Variants in KCND2 observed in about 807,000 individuals in gnomAD.
KCND2 encodes A-type voltage-gated potassium channel KCND2.
In KCND2, 16 loss-of-function variants were observed where a neutral mutation model predicts 54.4. The observed-to-expected ratio is 0.29, with a 90% CI of 0.20 to 0.45. The LOEUF is 0.45. Ranked by LOEUF, KCND2 falls within the 20% of genes least tolerant of loss-of-function variation. KCND2 has a pLI of 1.00. For synonymous variants in KCND2, 317 were observed against 310.7 expected, an observed-to-expected ratio of 1.02 and a Z score of -0.21; for missense variants, 486 against 824.2, an observed-to-expected ratio of 0.59 and a Z score of 5.02.
intron 1 of KCND2, among the ~76,000 whole-genome samples, chr7:120,391,123 T>G (rs1801070979): frequency 6.6e-6 from 1 of 152,110 alleles, no homozygotes; most frequent in African/African-American, 2.4e-5. Context: ...TGTGTACATG[T>G]GCTCTCATTG....
chr7:120,406,470 T>C (rs1043865223), intron 1 of KCND2, among the ~76,000 whole-genome samples: 6 of 152,082 alleles, frequency 3.9e-5, no homozygotes, highest in African/African-American at 1.4e-4. Context: ...TGGGTAGACA[T>C]GGGGAGAATT....
chr7:120,576,264 A>G (rs1181091731), intron 1 of KCND2, among the ~76,000 whole-genome samples: 1 of 152,250 alleles, frequency 6.6e-6, no homozygotes, highest in African/African-American at 2.4e-5. Flanking sequence ...TACAAATAGT[A>G]CTAACACCAG....
At chr7:120,709,442 A>G (rs1286759289) in intron 1 of KCND2, among the ~76,000 whole-genome samples, 2 of 152,124 alleles carry the variant, frequency 1.3e-5, no homozygotes, top group Non-Finnish European at 2.9e-5. Context: ...CATAGAACTA[A>G]CTCAATTGTT....
intron 1 of KCND2, among the ~76,000 whole-genome samples, chr7:120,656,437 C>T (rs575968973): frequency 2.0e-5 from 3 of 152,160 alleles, no homozygotes; most frequent in South Asian, 2.1e-4. Context: ...TTTTATAATT[C>T]GTCACTGTAA....
intron 1 of KCND2, among the ~76,000 whole-genome samples, chr7:120,356,860 TTC>T: frequency 6.6e-6 from 1 of 152,250 alleles, no homozygotes; most frequent in Non-Finnish European, 1.5e-5. Context: ...AATCCAGTCT[TTC>T]TCTCTCTTGT....
intron 1 of KCND2, among the ~76,000 whole-genome samples, chr7:120,341,933 A>G (rs532257168): frequency 3.3e-5 from 5 of 152,258 alleles, no homozygotes; most frequent in Admixed American, 6.5e-5. Context: ...GATGGGAGGA[A>G]AATCGTATAG....
intron 1 of KCND2, among the ~76,000 whole-genome samples, chr7:120,668,212 G>T (rs910055162): frequency 6.6e-6 from 1 of 151,896 alleles, no homozygotes; most frequent in Non-Finnish European, 1.5e-5. Context: ...AATTTCACAC[G>T]TCGATGGTAA....
rs1459716021 is a variant in KCND2 at position 120,274,549 on chromosome 7, C to T, written c.-84C>T. 10 of 1,507,284 alleles carry T rather than the reference C, an allele frequency of 6.6e-6. No homozygotes were observed. In the Admixed American group the frequency reaches 1.7e-4, roughly 25 times the overall value. 93.4% of individuals were successfully genotyped at this position (1,507,284 alleles called of 1,614,324 possible). ...CGTTTCTCACTAGTACTTTGCTTGACTGGAGGAAGTGGGTGACTTTTGGCT... is the reference window on the plus strand; with the variant it reads ...CGTTTCTCACTAGTACTTTGCTTGATTGGAGGAAGTGGGTGACTTTTGGCT... On this transcript the variant is annotated 5_prime_UTR_variant, in exon 1 of 6. Coordinates refer to ENST00000331113, the MANE Select transcript of KCND2 (RefSeq NM_012281.3).
intron 1 of KCND2, among the ~76,000 whole-genome samples, chr7:120,627,042 A>G (rs1793172656): frequency 6.6e-6 from 1 of 152,174 alleles, no homozygotes; most frequent in African/African-American, 2.4e-5. Context: ...TGTGCACAGT[A>G]TGGTGTCCAT....
chr7:120,535,236 C>T (rs1791891161), intron 1 of KCND2, among the ~76,000 whole-genome samples: 1 of 152,126 alleles, frequency 6.6e-6, no homozygotes, highest in African/African-American at 2.4e-5. Flanking sequence ...GCACTTTTCT[C>T]ATCTGACATA....
At chr7:120,607,935 T>C (rs1792902774) in intron 1 of KCND2, among the ~76,000 whole-genome samples, 1 of 151,854 alleles carries the variant, frequency 6.6e-6, no homozygotes, top group African/African-American at 2.4e-5. Flanking sequence ...GCTTAGGGTA[T>C]CTAAGAGATG....
chr7:120,274,783 C>T lies in KCND2; in HGVS notation c.151C>T (p.Arg51Cys), dbSNP rs751823176. The T allele has an allele frequency of 1.9e-6, 3 of 1,614,104 alleles. No individual in the cohort carries two copies. Among genetic ancestry groups the T allele is most frequent in the Non-Finnish European group, 2.5e-6 (3 of 1,180,012 alleles). The stretch of plus-strand genomic sequence containing the variant: ...CATTGTGCTGAATGTGAGTGGCACC[C>T]GCTTCCAGACGTGGCAGGACACCCT... Reference protein sequence around the residue: ...ALIVLNVSGTRFQTWQDTLER... With the variant: ...ALIVLNVSGTCFQTWQDTLER... Residue 51 changes from arginine to cysteine, a missense_variant, in exon 1 of 6, where the codon CGC (arginine) becomes TGC (cysteine). By Grantham distance (180) the Arg-to-Cys change is radical (BLOSUM62 -3). Coordinates refer to ENST00000331113, the MANE Select transcript of KCND2 (RefSeq NM_012281.3).
intron 1 of KCND2, among the ~76,000 whole-genome samples, chr7:120,558,960 T>C (rs898251104): frequency 6.6e-6 from 1 of 151,846 alleles, no homozygotes; most frequent in East Asian, 1.9e-4. Flanking sequence ...ATATAAAATA[T>C]TGATAAGTGA....
intron 1 of KCND2, among the ~76,000 whole-genome samples, chr7:120,317,670 G>T (rs993904598): frequency 2.0e-5 from 3 of 152,150 alleles, no homozygotes; most frequent in Admixed American, 6.5e-5. Flanking sequence ...TACTTCATCC[G>T]CATTTGATTT....
chr7:120,458,009 G>A (rs2116232009), intron 1 of KCND2, among the ~76,000 whole-genome samples: 2 of 152,200 alleles, frequency 1.3e-5, no homozygotes, highest in South Asian at 4.2e-4. Flanking sequence ...GTGGCAGCAA[G>A]GAGAAGTTCA....
chr7:120,292,512 G>A lies in KCND2; in HGVS notation c.1115+16765G>A, dbSNP rs571694738. On this transcript the variant is annotated intron_variant, in intron 1 of 5. Transcript: ENST00000331113. ...GATCTTGAAATTAAAAGTTTCCTTG[G>A]AGAAAACTTTTCCCTGTTCAATCTT... is the stretch of plus-strand genomic sequence containing the variant. 5.9e-4 allele frequency among the ~76,000 whole-genome samples: 90 copies of A among 151,798 alleles called. No homozygotes were observed. The Middle Eastern group carries it at 0.014, about 23-fold the overall frequency.
At chr7:120,556,709 A>G (rs1012136320) in intron 1 of KCND2, among the ~76,000 whole-genome samples, 2 of 152,170 alleles carry the variant, frequency 1.3e-5, no homozygotes, top group African/African-American at 4.8e-5. Context: ...TATTTATTAC[A>G]CTTTTGCACA....
At chr7:120,681,690 A>G (rs1299300798) in intron 1 of KCND2, among the ~76,000 whole-genome samples, 1 of 152,092 alleles carries the variant, frequency 6.6e-6, no homozygotes, top group Non-Finnish European at 1.5e-5. Flanking sequence ...TCTTTTAATC[A>G]TAACTATTCA....
chr7:120,308,605 ATGT>A (rs921669918), intron 1 of KCND2, among the ~76,000 whole-genome samples: 1 of 152,132 alleles, frequency 6.6e-6, no homozygotes, highest in African/African-American at 2.4e-5. Flanking sequence ...GTTGACTCAA[ATGT>A]TGTTTTCAGT....
Sources: gnomAD v4.1 joint callset for allele counts (sites outside exome capture counted in the v4.1 genomes callset) on GRCh38, gnomAD v4.1.1 for gene constraint, MANE v1.5 for transcripts, NCBI Gene and HGNC (gene_info 2026-07-23, HGNC 2026-07-21) for gene names.